Variants in NTM observed in about 807,000 individuals in gnomAD.
NTM encodes the protein IgLON family member 2.
A neutral mutation model predicts 42.1 loss-of-function variants in NTM; 13 were observed. The observed-to-expected ratio is 0.31, with a 90% CI of 0.20 to 0.49. NTM has a LOEUF of 0.49. Ranked by LOEUF, NTM falls within the 20% of genes least tolerant of loss-of-function variation. NTM has a pLI of 0.99. For missense variants in NTM, 373 were observed against 452.8 expected (o/e 0.82, Z 1.60); for synonymous variants, 187 against 179.2 (o/e 1.04, Z -0.35).
intron 2 of NTM, among the ~76,000 whole-genome samples, chr11:132,125,128 C>G (rs968465494): frequency 6.6e-6 from 1 of 152,174 alleles, no homozygotes; most frequent in Admixed American, 6.5e-5. Flanking sequence ...TCCCAGCAAA[C>G]GCAAACGGAT....
chr11:132,045,180 T>C (rs1002211190), intron 2 of NTM, among the ~76,000 whole-genome samples: 3 of 152,190 alleles, frequency 2.0e-5, no homozygotes, highest in Non-Finnish European at 1.5e-5. Flanking sequence ...CTGTTTATTA[T>C]TGGGATACAG....
chr11:132,042,761 G>A (rs2077374196), intron 2 of NTM, among the ~76,000 whole-genome samples: 1 of 152,166 alleles, frequency 6.6e-6, no homozygotes, highest in African/African-American at 2.4e-5. Flanking sequence ...AGAATAGATA[G>A]GATACACAAA....
intron 1 of NTM, among the ~76,000 whole-genome samples, chr11:131,562,841 G>A (rs777490199): frequency 1.3e-5 from 2 of 152,112 alleles, no homozygotes; most frequent in Non-Finnish European, 1.5e-5. Flanking sequence ...CAAACAGCCC[G>A]AACCTTGCAA....
chr11:131,631,197 TACCTA>T (rs2063621179), intron 1 of NTM, among the ~76,000 whole-genome samples: 1 of 152,218 alleles, frequency 6.6e-6, no homozygotes, highest in Non-Finnish European at 1.5e-5. Flanking sequence ...ATGACAACAA[TACCTA>T]CTGTGAGGTG....
chr11:131,615,229 G>T (rs1264021934), intron 1 of NTM, among the ~76,000 whole-genome samples: 1 of 152,192 alleles, frequency 6.6e-6, no homozygotes, highest in South Asian at 2.1e-4. Context: ...TCCAGTTACT[G>T]GGTCTCTCAG....
chr11:131,440,624 G>C (rs11825002), intron 1 of NTM, among the ~76,000 whole-genome samples: 50,657 of 151,308 alleles, frequency 0.33, 9,193 homozygotes, highest in East Asian at 0.73. Context: ...AAGTTCCTGG[G>C]TGATGATGAT....
intron 2 of NTM, among the ~76,000 whole-genome samples, chr11:131,921,027 A>G (rs1054696079): frequency 6.6e-6 from 1 of 152,198 alleles, no homozygotes; most frequent in Admixed American, 6.5e-5. Context: ...TTCAGAAGCT[A>G]TAAGTAAGAA....
chr11:132,090,278 C>T (rs575144854), intron 2 of NTM, among the ~76,000 whole-genome samples: 1 of 152,172 alleles, frequency 6.6e-6, no homozygotes, highest in Non-Finnish European at 1.5e-5. Flanking sequence ...CTTCTTATAC[C>T]TTGTCTCCTT....
chr11:131,865,968 CAT>C (rs1367496794), intron 1 of NTM, among the ~76,000 whole-genome samples: 1 of 146,758 alleles, frequency 6.8e-6, no homozygotes, highest in Non-Finnish European at 1.5e-5. Context: ...ACATGCTACA[CAT>C]ACACCTCCCA....
intron 1 of NTM, among the ~76,000 whole-genome samples, chr11:131,778,155 C>A (rs1237594214): frequency 1.3e-5 from 2 of 152,186 alleles, no homozygotes; most frequent in Admixed American, 1.3e-4. Context: ...ACCTGTCATT[C>A]AAATCCCAAT....
At chr11:131,940,395 G>A (rs1276429915) in intron 2 of NTM, among the ~76,000 whole-genome samples, 1 of 152,184 alleles carries the variant, frequency 6.6e-6, no homozygotes, top group Non-Finnish European at 1.5e-5. Context: ...ACGTTAGTGG[G>A]TATACATTGT....
At chr11:131,772,942 A>C (rs528033260) in intron 1 of NTM, among the ~76,000 whole-genome samples, 19 of 152,330 alleles carry the variant, frequency 1.2e-4, no homozygotes, top group African/African-American at 4.3e-4. Context: ...TTTTTTAGAC[A>C]GACAAAGAGA....
At chr11:131,825,846 C>G (rs998398666) in intron 1 of NTM, among the ~76,000 whole-genome samples, 1 of 152,110 alleles carries the variant, frequency 6.6e-6, no homozygotes, top group Non-Finnish European at 1.5e-5. Context: ...AATATGAATT[C>G]AGTCTTGACT....
At chr11:132,136,260 G>T (rs562420997) in intron 2 of NTM, among the ~76,000 whole-genome samples, 1 of 152,294 alleles carries the variant, frequency 6.6e-6, no homozygotes, top group Non-Finnish European at 1.5e-5. Context: ...TCTCTCCTTG[G>T]AGGATGCCAG....
At chr11:131,992,373 A>G (rs1325109920) in intron 2 of NTM, among the ~76,000 whole-genome samples, 1 of 152,048 alleles carries the variant, frequency 6.6e-6, no homozygotes, top group South Asian at 2.1e-4. Flanking sequence ...AATTGGCTGT[A>G]ATAATTTAGT....
At position 132,151,174 on chromosome 11, in the gene NTM, C is replaced by T. The variant is rs1397446988; in HGVS notation, c.400+4660C>T. On this transcript the variant is annotated intron_variant, in intron 3 of 8. Coordinates refer to ENST00000683400, the MANE Select transcript of NTM (RefSeq NM_001352005.2). ...CTGCTACCAAACCGAGCATATTGTA[C>T]ATCTGAAAAAGCCATACTACTGTCT... Among the ~76,000 whole-genome samples, 5 of 152,258 alleles carry T rather than the reference C, an allele frequency of 3.3e-5. 1 individual carries two copies. Among genetic ancestry groups the T allele is most frequent in the African/African-American group, 1.2e-4 (5 of 41,554 alleles).
chr11:131,549,977 T>A (rs2054446664), intron 1 of NTM, among the ~76,000 whole-genome samples: 1 of 152,180 alleles, frequency 6.6e-6, no homozygotes, highest in Admixed American at 6.5e-5. Context: ...TTTCACGTCC[T>A]GCAGGGCGGA....
intron 1 of NTM, among the ~76,000 whole-genome samples, chr11:131,382,564 G>A (rs1942818839): frequency 6.6e-6 from 1 of 152,066 alleles, no homozygotes; most frequent in African/African-American, 2.4e-5. Context: ...ATGAATCTAT[G>A]TGGAACAAAA....
At chr11:132,030,022 AT>A (rs1437724987) in intron 2 of NTM, among the ~76,000 whole-genome samples, 1 of 152,170 alleles carries the variant, frequency 6.6e-6, no homozygotes, top group East Asian at 1.9e-4. Context: ...TTTCTAAAAT[AT>A]ATTATTGTTT....
Sources: gnomAD v4.1 joint callset for allele counts (sites outside exome capture counted in the v4.1 genomes callset) on GRCh38, gnomAD v4.1.1 for gene constraint, MANE v1.5 for transcripts, NCBI Gene and HGNC (gene_info 2026-07-23, HGNC 2026-07-21) for gene names.